GRID2: variants seen among roughly 807,000 people sequenced by gnomAD.
GRID2 encodes the protein glutamate ionotropic receptor delta type subunit 2, also known as glutamate receptor ionotropic, delta-2.
A neutral mutation model predicts 114.8 loss-of-function variants in GRID2; 33 were observed. The ratio of observed to expected loss-of-function variants is 0.29; its 90% confidence interval spans 0.22 to 0.38. The LOEUF is 0.38. Among genes scored for constraint, GRID2 ranks in the 10% least tolerant of loss-of-function variants. GRID2 has a pLI of 1.00. For synonymous variants in GRID2, 505 were observed against 449.9 expected (o/e 1.12, Z -1.55); for missense variants, 1,184 against 1,257.7 (o/e 0.94, Z 0.89).
chr4:93,107,545 A>G (rs1485957031), intron 3 of GRID2, among the ~76,000 whole-genome samples: 2 of 152,082 alleles, frequency 1.3e-5, no homozygotes, highest in Non-Finnish European at 2.9e-5. Context: ...ATTTATTAAA[A>G]AAATTTTTTT....
At chr4:93,534,646 T>G (rs1323935873) in intron 13 of GRID2, among the ~76,000 whole-genome samples, 1 of 152,066 alleles carries the variant, frequency 6.6e-6, no homozygotes, top group East Asian at 1.9e-4. Flanking sequence ...CCCCAAAAAA[T>G]TAAACAAAAG....
chr4:92,748,782 C>G (rs1030068744), intron 2 of GRID2, among the ~76,000 whole-genome samples: 1 of 151,044 alleles, frequency 6.6e-6, no homozygotes, highest in African/African-American at 2.4e-5. Flanking sequence ...CTGCCTCAGC[C>G]TCCTGAGTAG....
intron 1 of GRID2, among the ~76,000 whole-genome samples, chr4:93,803,168 A>G (rs1310355207): frequency 6.6e-6 from 1 of 152,090 alleles, no homozygotes; most frequent in Non-Finnish European, 1.5e-5. Context: ...ATTTTCTTCC[A>G]TTTTCTTAAG....
At chr4:92,489,844 T>TAAAAAA (rs34912004) in intron 1 of GRID2, among the ~76,000 whole-genome samples, 1 of 132,662 alleles carries the variant, frequency 7.5e-6, no homozygotes. Context: ...AGACTCCATT[T>TAAAAAA]AAAAAAAAAA....
At position 92,421,236 on chromosome 4, in the gene GRID2, C is replaced by T. The variant is rs577873027; in HGVS notation, c.88+116492C>T. ...TGCTCTGTATGTGTTAAGATCTGTA[C>T]GGACTGTTTTATATTTATTAATTTA... On this transcript the variant is annotated intron_variant, in intron 1 of 15. Transcript: ENST00000282020. 9.9e-5 allele frequency among the ~76,000 whole-genome samples: 15 copies of T among 151,856 alleles called. No individual in the cohort carries two copies. The South Asian group carries it at 1.0e-3, about 11-fold the overall frequency.
intron 8 of GRID2, among the ~76,000 whole-genome samples, chr4:93,252,519 T>C (rs116622814): frequency 2.6e-5 from 4 of 152,230 alleles, no homozygotes; most frequent in African/African-American, 9.6e-5. Flanking sequence ...CCAGCTTTGT[T>C]CTTTTAGCTT....
intron 1 of GRID2, among the ~76,000 whole-genome samples, chr4:92,549,955 C>T (rs566424938): frequency 1.6e-4 from 25 of 151,920 alleles, no homozygotes; most frequent in Non-Finnish European, 3.1e-4. Flanking sequence ...AAAGAGACAA[C>T]CCACATAACA....
chr4:93,624,213 A>T (rs532897865), intron 13 of GRID2, among the ~76,000 whole-genome samples: 1 of 152,106 alleles, frequency 6.6e-6, no homozygotes, highest in African/African-American at 2.4e-5. Context: ...TTTAATCTGA[A>T]TTTTTAAAAT....
At chr4:92,323,169 A>C (rs1377159827) in intron 1 of GRID2, among the ~76,000 whole-genome samples, 1 of 152,056 alleles carries the variant, frequency 6.6e-6, no homozygotes, top group Non-Finnish European at 1.5e-5. Flanking sequence ...CCAAGAGGAG[A>C]AATCATCAAG....
At chr4:92,599,160 C>T (rs1247157362) in intron 2 of GRID2, among the ~76,000 whole-genome samples, 3 of 149,490 alleles carry the variant, frequency 2.0e-5, no homozygotes, top group Non-Finnish European at 3.0e-5. Context: ...GATGTTGCAA[C>T]ATGTGTACTT....
intron 13 of GRID2, among the ~76,000 whole-genome samples, chr4:93,610,811 G>A (rs1437236918): frequency 8.8e-6 from 1 of 113,672 alleles, no homozygotes; most frequent in Non-Finnish European, 1.8e-5. Context: ...TTTGGTATCA[G>A]AATGATGCTG....
At chr4:93,251,727 A>G (rs1748955222) in intron 8 of GRID2, among the ~76,000 whole-genome samples, 1 of 152,118 alleles carries the variant, frequency 6.6e-6, no homozygotes, top group Non-Finnish European at 1.5e-5. Context: ...CGTGGTTCTC[A>G]TCATTTAGCT....
At chr4:93,125,522 G>A (rs1307559235) in intron 4 of GRID2, among the ~76,000 whole-genome samples, 1 of 152,048 alleles carries the variant, frequency 6.6e-6, no homozygotes, top group East Asian at 1.9e-4. Flanking sequence ...TCAAACTCAA[G>A]TCAGATTATT....
At chr4:93,159,553 G>A (rs930748060) in intron 4 of GRID2, among the ~76,000 whole-genome samples, 25 of 151,628 alleles carry the variant, frequency 1.6e-4, no homozygotes, top group African/African-American at 5.8e-4. Context: ...TTTATAATAA[G>A]CTGATATAGT....
intron 1 of GRID2, among the ~76,000 whole-genome samples, chr4:92,328,969 A>G (rs1726737252): frequency 6.6e-6 from 1 of 151,974 alleles, no homozygotes; most frequent in Non-Finnish European, 1.5e-5. Flanking sequence ...GGAATAAATT[A>G]TTATTTCACA....
rs764886465 is a variant in GRID2, at chr4:93,558,343, G to A, written c.2193+42932G>A. 4.4e-4 allele frequency among the ~76,000 whole-genome samples: 67 copies of A among 151,898 alleles called. 1 individual carries two copies. Among genetic ancestry groups the A allele is most frequent in the Admixed American group, 4.3e-3 (66 of 15,240 alleles). ...AACAAAATAGATAGACTACTAGCCA[G>A]ACTAATAAAGAAAAAAAGAGAGAAG... On this transcript the variant is annotated intron_variant, in intron 13 of 15. Coordinates refer to ENST00000282020, the MANE Select transcript of GRID2 (RefSeq NM_001510.4).
intron 1 of GRID2, among the ~76,000 whole-genome samples, chr4:92,465,972 T>C (rs569208047): frequency 2.0e-5 from 3 of 151,936 alleles, no homozygotes; most frequent in African/African-American, 7.2e-5. Context: ...CACAGCCCCC[T>C]TTTTATATTT....
chr4:92,482,035 A>AT (rs1560660653), intron 1 of GRID2, among the ~76,000 whole-genome samples: 23 of 57,174 alleles, frequency 4.0e-4, no homozygotes, highest in African/African-American at 1.2e-3. Context: ...TATATATATA[A>AT]AATAACAATA....
chr4:93,638,317 TTTA>T lies in GRID2; in HGVS notation c.2360+11883_2360+11885del, dbSNP rs988252375. 7.3e-4 allele frequency among the ~76,000 whole-genome samples: 31 copies of T among 42,338 alleles called. 9 individuals carry two copies. The highest frequency in any genetic ancestry group is 5.8e-3 in the African/African-American group (25 of 4,296). 27.8% of individuals were successfully genotyped at this position (42,338 alleles called of 152,430 possible). A position where few individuals can be genotyped will look rare whatever the true frequency, so the allele number is the denominator to read the frequency against. On this transcript the variant is annotated intron_variant, in intron 14 of 15. Coordinates refer to ENST00000282020, the MANE Select transcript of GRID2 (RefSeq NM_001510.4). ...AACTTGCATCTTTTTTTTTTTTTTT[TTTA>T]ATTATACTCTAAGTTTTAGGGTACA...
Sources: allele counts gnomAD v4.1 joint callset (sites outside exome capture counted in the v4.1 genomes callset), GRCh38; gene constraint gnomAD v4.1.1; transcripts MANE v1.5; gene names NCBI Gene and HGNC (gene_info 2026-07-23, HGNC 2026-07-21).